BRAF: variants seen among roughly 807,000 people sequenced by gnomAD.
BRAF encodes B-Raf proto-oncogene, serine/threonine kinase.
Under a neutral mutation model 104.6 loss-of-function variants are expected in BRAF, and 16 were observed. The ratio of observed to expected loss-of-function variants is 0.15; its 90% CI spans 0.10 to 0.23. The LOEUF (loss-of-function observed/expected upper bound fraction) is 0.23. Ranked by LOEUF, BRAF falls within the 10% of genes least tolerant of loss-of-function variation. The pLI is 1.00. For synonymous variants in BRAF, 310 were observed against 341.6 expected (o/e 0.91, Z 1.02); for missense variants, 541 against 937.3 (o/e 0.58, Z 5.52).
chr7:140,834,900 A>G (rs1369518091), intron 2 of BRAF, 28 bp from the exon 3 acceptor site: 4 of 1,613,326 alleles, frequency 2.5e-6, no homozygotes, highest in Non-Finnish European at 2.5e-6. Context: ...CTTATATTCA[A>G]TCCGGACTTT....
intron 18 of BRAF, among the ~76,000 whole-genome samples, chr7:140,737,989 G>A (rs1401965737): frequency 6.6e-6 from 1 of 152,130 alleles, no homozygotes; most frequent in Non-Finnish European, 1.5e-5. Flanking sequence ...CATTATTAAT[G>A]TCAATAAACA....
rs1404965479 is a variant in BRAF, at chr7:140,778,637, T to A, written c.1553-562A>T. On this transcript the variant is annotated intron_variant, in intron 12 of 19. Transcript: ENST00000644969. ...GGGTGCAGCACACCAGCATGGCACA[T>A]GTATATATATGTAACTAACCTGCAC... 2.0e-5 allele frequency among the ~76,000 whole-genome samples: 3 copies of A among 151,834 alleles called. No homozygotes were observed. In the East Asian group the frequency reaches 5.8e-4, roughly 29 times the overall value.
chr7:140,857,434 T>TAC (rs1809920030), intron 1 of BRAF, among the ~76,000 whole-genome samples: 1 of 152,192 alleles, frequency 6.6e-6, no homozygotes, highest in Non-Finnish European at 1.5e-5. Flanking sequence ...TGTAAGAGAG[T>TAC]ACACCACATT....
chr7:140,723,490 G>A lies in BRAF; in HGVS notation c.*3004C>T. 9.5e-7 allele frequency: 1 copy of A among 1,053,322 alleles called. No homozygotes were observed. The highest frequency in any genetic ancestry group is 1.1e-6 in the Non-Finnish European group (1 of 872,156). The allele number at this position is 1,053,322 out of a possible 1,614,324, so 65.2% of individuals were successfully genotyped here. ...GGAACCAGAATTTGACAGCTAGACA[G>A]AATCTTCTTTTAAGGTGCACATTAA... On this transcript the variant is annotated 3_prime_UTR_variant, in exon 20 of 20. Transcript: ENST00000644969.
chr7:140,763,219 G>A (rs1485416740), intron 14 of BRAF, among the ~76,000 whole-genome samples: 67 of 143,918 alleles, frequency 4.7e-4, no homozygotes, highest in African/African-American at 5.4e-4. Flanking sequence ...CGGACGAGGC[G>A]GCTGGCCGGG....
At chr7:140,814,872 A>G (rs1243985298) in intron 3 of BRAF, among the ~76,000 whole-genome samples, 1 of 147,780 alleles carries the variant, frequency 6.8e-6, no homozygotes, top group Non-Finnish European at 1.5e-5. Context: ...TTTTTTAAAA[A>G]AACAGTTGTT....
At chr7:140,726,617 T>C (rs1795612059) in intron 19 of BRAF, 2 of 1,064,822 alleles carry the variant, frequency 1.9e-6, no homozygotes, top group Non-Finnish European at 1.4e-6. Flanking sequence ...TAACTAGTTA[T>C]ATATTTCAAG....
At chr7:140,757,891 C>T (rs1798338356) in intron 14 of BRAF, among the ~76,000 whole-genome samples, 1 of 152,130 alleles carries the variant, frequency 6.6e-6, no homozygotes, top group African/African-American at 2.4e-5. Context: ...AGTATGAACC[C>T]AGTTAAATCC....
chr7:140,907,791 C>G (rs1383029375), intron 1 of BRAF, among the ~76,000 whole-genome samples: 2 of 151,768 alleles, frequency 1.3e-5, no homozygotes, highest in East Asian at 3.9e-4. Flanking sequence ...ATAGGCCAGG[C>G]TGGAGTGCAG....
At chr7:140,766,028 T>C (rs1799283289) in intron 14 of BRAF, among the ~76,000 whole-genome samples, 1 of 151,298 alleles carries the variant, frequency 6.6e-6, no homozygotes, top group Non-Finnish European at 1.5e-5. Flanking sequence ...CTATTCACAA[T>C]AGCAAAGACT....
intron 1 of BRAF, among the ~76,000 whole-genome samples, chr7:140,899,555 C>A (rs1248672961): frequency 6.6e-6 from 1 of 151,952 alleles, no homozygotes; most frequent in Non-Finnish European, 1.5e-5. Flanking sequence ...ATGAAATGGT[C>A]TCTCATTGTG....
chr7:140,866,092 A>T (rs1810935841), intron 1 of BRAF, among the ~76,000 whole-genome samples: 1 of 152,224 alleles, frequency 6.6e-6, no homozygotes, highest in South Asian at 2.1e-4. Flanking sequence ...AGTGAAACAG[A>T]TCAAATTTCT....
intron 16 of BRAF, among the ~76,000 whole-genome samples, chr7:140,751,861 AG>A (rs1797817525): frequency 6.6e-6 from 1 of 152,206 alleles, no homozygotes; most frequent in South Asian, 2.1e-4. Flanking sequence ...TGTTTCCAGC[AG>A]GGTGCCCGAA....
chr7:140,801,616 A>G, intron 5 of BRAF, 56 bp from the exon 6 acceptor site: 1 of 1,540,478 alleles, frequency 6.5e-7, no homozygotes, highest in Non-Finnish European at 8.9e-7. Flanking sequence ...CTTTCTAGAA[A>G]CTGACGTATC....
chr7:140,810,318 C>T (rs1362047834), intron 3 of BRAF, among the ~76,000 whole-genome samples: 1 of 151,270 alleles, frequency 6.6e-6, no homozygotes, highest in Admixed American at 6.6e-5. Flanking sequence ...CCTGTAATCC[C>T]AACACTTTGG....
intron 7 of BRAF, among the ~76,000 whole-genome samples, chr7:140,794,712 C>A (rs947786916): frequency 1.3e-5 from 2 of 152,128 alleles, no homozygotes; most frequent in African/African-American, 2.4e-5. Flanking sequence ...ACCTGGAAAA[C>A]ACTAGGGAAA....
At chr7:140,776,730 G>C (rs1443642406) in intron 14 of BRAF, among the ~76,000 whole-genome samples, 182 bp downstream of exon 13, 2 of 152,116 alleles carry the variant, frequency 1.3e-5, no homozygotes, top group African/African-American at 4.8e-5. Context: ...TGTTCTGAAG[G>C]CTGCACTAGA....
rs1204328947 is a variant in BRAF, at chr7:140,724,677, C to T, written c.*1817G>A. The T allele has an allele frequency of 9.7e-7, 1 of 1,034,096 alleles. No individual in the cohort carries two copies. The highest frequency in any genetic ancestry group is 1.2e-6 in the Non-Finnish European group (1 of 859,460). 64.1% of individuals were successfully genotyped at this position (1,034,096 alleles called of 1,614,324 possible). ...GAGCTTTTAGTGGCTGCAATATAGA[C>T]AGCAGGGCCTGGAGTTACAATCTGA... is the stretch of plus-strand genomic sequence containing the variant. On this transcript the variant is annotated 3_prime_UTR_variant, in exon 20 of 20. Coordinates refer to ENST00000644969, the MANE Select transcript of BRAF (RefSeq NM_001374258.1).
rs927762539 is a variant in BRAF at position 140,724,844 on chromosome 7, T to G, written c.*1650A>C. ...TCTAGATTCCTGATAAGGGAGGTTT[T>G]CCATTAATTTGCCATTAATACATCC... is the stretch of plus-strand genomic sequence containing the variant. On this transcript the variant is annotated 3_prime_UTR_variant, in exon 20 of 20. Coordinates refer to ENST00000644969, the MANE Select transcript of BRAF (RefSeq NM_001374258.1). 1 of 1,038,780 alleles carries G rather than the reference T, an allele frequency of 9.6e-7. No individual in the cohort carries two copies. The highest frequency in any genetic ancestry group is 5.6e-5 in the Admixed American group (1 of 17,778). The allele number at this position is 1,038,780 out of a possible 1,614,324, so 64.3% of individuals were successfully genotyped here.
Sources: gnomAD v4.1 joint callset for allele counts (sites outside exome capture counted in the v4.1 genomes callset) on GRCh38, gnomAD v4.1.1 for gene constraint, MANE v1.5 for transcripts, NCBI Gene and HGNC (gene_info 2026-07-23, HGNC 2026-07-21) for gene names.